GK5: variants seen among roughly 807,000 people sequenced by gnomAD.
GK5 encodes the protein glycerol kinase 5, also known as ATP:glycerol 3-phosphotransferase 5.
Under a neutral mutation model 77.3 loss-of-function variants are expected in GK5, and 39 were observed. The ratio of observed to expected loss-of-function variants is 0.50; its 90% CI spans 0.39 to 0.66. The LOEUF (loss-of-function observed/expected upper bound fraction) is 0.66, where lower values mean the gene tolerates loss of function less well. GK5 is among the 30% of genes least tolerant of loss of function. The probability of loss-of-function intolerance (pLI) is 0.00; values close to 1 mark genes in which losing one functional copy is unlikely to be tolerated. For missense variants in GK5, 487 were observed against 633.8 expected (o/e 0.77, Z 2.49); for synonymous variants, 211 against 208.0 (o/e 1.01, Z -0.13).
intron 15 of GK5, 74 bp from the exon 16 acceptor site, chr3:142,165,844 C>G: frequency 1.0e-6 from 1 of 955,388 alleles, no homozygotes; most frequent in Non-Finnish European, 1.5e-6. Context: ...AAAACCTATA[C>G]GAGTTGCTGG....
chr3:142,183,068 T>G lies in GK5; in HGVS notation c.817-19A>C. 6.2e-7 allele frequency: 1 copy of G among 1,613,016 alleles called. No homozygotes were observed. ...CAGCAACCTACCAAAAATGTTCAAATGTAAACCCATTGCCCTTAACAGTGG... is the reference window on the plus strand; with the variant it reads ...CAGCAACCTACCAAAAATGTTCAAAGGTAAACCCATTGCCCTTAACAGTGG... On this transcript the variant is annotated intron_variant, in intron 9 of 15. Coordinates refer to ENST00000392993, the MANE Select transcript of GK5 (RefSeq NM_001039547.3).
chr3:142,189,485 T>C (rs1327138370), intron 5 of GK5, among the ~76,000 whole-genome samples: 1 of 152,232 alleles, frequency 6.6e-6, no homozygotes, highest in Non-Finnish European at 1.5e-5. Flanking sequence ...CTAAAATTTG[T>C]TCCAGATACA....
chr3:142,187,209 T>G (rs1421507529), intron 6 of GK5, among the ~76,000 whole-genome samples: 3 of 152,050 alleles, frequency 2.0e-5, no homozygotes, highest in Non-Finnish European at 2.9e-5. Context: ...AAAATTGTCC[T>G]CCTCTTATAA....
chr3:142,173,577 G>A (rs1207373007), intron 12 of GK5, among the ~76,000 whole-genome samples: 1 of 152,058 alleles, frequency 6.6e-6, no homozygotes, highest in African/African-American at 2.4e-5. Context: ...CCAGCTGCTC[G>A]GGAGGCTGAG....
intron 12 of GK5, among the ~76,000 whole-genome samples, chr3:142,174,494 C>T (rs1207165302): frequency 2.0e-5 from 3 of 152,172 alleles, no homozygotes; most frequent in Non-Finnish European, 2.9e-5. Context: ...AATATGACTT[C>T]TTCCAGGATA....
At chr3:142,189,236 TA>T (rs1252467388) in intron 5 of GK5, among the ~76,000 whole-genome samples, 2 of 152,096 alleles carry the variant, frequency 1.3e-5, no homozygotes, top group Non-Finnish European at 2.9e-5. Context: ...CTTAAGTAAG[TA>T]AATAACTGAA....
At chr3:142,169,351 T>A (rs904969684) in intron 15 of GK5, among the ~76,000 whole-genome samples, 1 of 152,198 alleles carries the variant, frequency 6.6e-6, no homozygotes, top group African/African-American at 2.4e-5. Flanking sequence ...ACTGCTAAAT[T>A]AGTGTAGCCC....
intron 3 of GK5, among the ~76,000 whole-genome samples, chr3:142,210,627 A>G (rs931154797): frequency 5.3e-5 from 8 of 152,246 alleles, no homozygotes; most frequent in African/African-American, 1.7e-4. Flanking sequence ...CAAACATTTC[A>G]AAAAAGAAAA....
chr3:142,167,706 T>C (rs1022166840), intron 15 of GK5, among the ~76,000 whole-genome samples: 1 of 152,222 alleles, frequency 6.6e-6, no homozygotes, highest in East Asian at 1.9e-4. Context: ...CACTGTGTTA[T>C]GTATAAAAAT....
At chr3:142,216,319 G>C (rs2064276286) in intron 1 of GK5, among the ~76,000 whole-genome samples, 1 of 152,078 alleles carries the variant, frequency 6.6e-6, no homozygotes, top group Non-Finnish European at 1.5e-5. Context: ...ATGAGAAAGG[G>C]AACTCCTAAC....
At position 142,184,987 on chromosome 3, in the gene GK5, T is replaced by C. The variant is rs1397839676; in HGVS notation, c.816+942A>G. On this transcript the variant is annotated intron_variant, in intron 9 of 15. Transcript: ENST00000392993. ...CTCTAAATGATAATGATTTTGTAAC[T>C]TGGAAATTAAATTCCCTTTCCCTCA... 4 of 985,410 alleles carry C rather than the reference T, an allele frequency of 4.1e-6. No homozygotes were observed. In the African/African-American group the frequency reaches 7.0e-5, roughly 17 times the overall value. The allele number at this position is 985,410 out of a possible 1,614,324, so 61.0% of individuals were successfully genotyped here. A position where few individuals can be genotyped will look rare whatever the true frequency, so the allele number is the denominator to read the frequency against.
In GK5 at chr3:142,212,839, T is replaced by TTCTTTTTTTTTC. The variant is rs71153945; in HGVS notation, c.317+686_317+687insGAAAAAAAAAGA. Among the ~76,000 whole-genome samples, 206 of 148,328 alleles carry TTCTTTTTTTTTC rather than the reference T, an allele frequency of 1.4e-3. 1 individual carries two copies. Among genetic ancestry groups the TTCTTTTTTTTTC allele is most frequent in the African/African-American group, 4.9e-3 (198 of 40,190 alleles). ...ATAGACAAATATTTTCTTTTTTTTT[T>TTCTTTTTTTTTC]CTTTTTTTTTTTTTGAGACGGAGTC... On this transcript the variant is annotated intron_variant, in intron 3 of 15. Transcript: ENST00000392993.
At chr3:142,214,521 T>C (rs1038442852) in intron 2 of GK5, among the ~76,000 whole-genome samples, 7 of 152,150 alleles carry the variant, frequency 4.6e-5, no homozygotes, top group Non-Finnish European at 1.0e-4. Context: ...CCATATAGTA[T>C]TCCAAAGTTA....
intron 5 of GK5, among the ~76,000 whole-genome samples, chr3:142,197,126 G>A (rs531604477): frequency 1.8e-4 from 28 of 152,074 alleles, no homozygotes; most frequent in African/African-American, 6.5e-4. Context: ...GCTGGAGCTC[G>A]CAGTGAGCCG....
In GK5 at chr3:142,157,884, T is replaced by C. The variant is rs1218473273; in HGVS notation, c.*7738A>G. 3.9e-5 allele frequency: 6 copies of C among 152,098 alleles called. No individual in the cohort carries two copies. Among genetic ancestry groups the C allele is most frequent in the Admixed American group, 6.6e-5 (1 of 15,262 alleles). The allele number at this position is 152,098 out of a possible 1,614,324, so 9.4% of individuals were successfully genotyped here. A position where few individuals can be genotyped will look rare whatever the true frequency, so the allele number is the denominator to read the frequency against. On this transcript the variant is annotated 3_prime_UTR_variant, in exon 16 of 16. Transcript: ENST00000392993. ...GTCTAACCATATTAAGGCCCAAGTTTACCTAGAGTCACAATTGTAGTTAAC... is the reference window on the plus strand; with the variant it reads ...GTCTAACCATATTAAGGCCCAAGTTCACCTAGAGTCACAATTGTAGTTAAC...
At chr3:142,211,009 T>C (rs1035529646) in intron 3 of GK5, among the ~76,000 whole-genome samples, 1 of 152,256 alleles carries the variant, frequency 6.6e-6, no homozygotes. Context: ...CACTTTAAAT[T>C]TGGTGGGAGC....
intron 15 of GK5, among the ~76,000 whole-genome samples, chr3:142,168,359 A>C (rs1165177681): frequency 6.6e-6 from 1 of 152,194 alleles, no homozygotes; most frequent in Non-Finnish European, 1.5e-5. Context: ...TGATTAAGGG[A>C]AAGTTTATTT....
chr3:142,177,172 G>C (rs918053687), intron 12 of GK5, among the ~76,000 whole-genome samples: 1 of 152,134 alleles, frequency 6.6e-6, no homozygotes, highest in African/African-American at 2.4e-5. Flanking sequence ...TCATGATAAA[G>C]TAATGCTAAG....
At chr3:142,203,660 G>A (rs2064061836) in intron 4 of GK5, among the ~76,000 whole-genome samples, 1 of 152,146 alleles carries the variant, frequency 6.6e-6, no homozygotes. Flanking sequence ...TGTAGTCCCA[G>A]CTACTTGGGA....
Sources: gnomAD v4.1 joint callset for allele counts (sites outside exome capture counted in the v4.1 genomes callset) on GRCh38, gnomAD v4.1.1 for gene constraint, MANE v1.5 for transcripts, NCBI Gene and HGNC (gene_info 2026-07-23, HGNC 2026-07-21) for gene names.